KHDRBS1: variants seen among roughly 807,000 people sequenced by gnomAD.
The protein encoded by KHDRBS1 is KH domain-containing, RNA-binding, signal transduction-associated protein 1.
KHDRBS1 carries 7 observed loss-of-function variants against 48.4 expected under a neutral mutation model. The observed-to-expected ratio is 0.14, with a 90% confidence interval of 0.08 to 0.27. The LOEUF (loss-of-function observed/expected upper bound fraction) is 0.27, where lower values mean the gene tolerates loss of function less well. KHDRBS1 is among the 10% of genes least tolerant of loss of function. KHDRBS1 has a pLI of 1.00. For missense variants in KHDRBS1, 458 were observed against 601.2 expected, an observed-to-expected ratio of 0.76 and a Z score of 2.49; for synonymous variants, 241 against 235.8, an observed-to-expected ratio of 1.02 and a Z score of -0.20.
At chr1:32,014,719 C>G (rs1009194837) in intron 1 of KHDRBS1, among the ~76,000 whole-genome samples, 21 of 152,336 alleles carry the variant, frequency 1.4e-4, no homozygotes, top group Non-Finnish European at 2.6e-4. Flanking sequence ...ACCTTCATTT[C>G]CCCCTTTCCC....
chr1:32,014,054 C>T lies in KHDRBS1; in HGVS notation c.59C>T (p.Ser20Phe), dbSNP rs1435467970. Reference protein sequence around the residue: ...RMSRSSGRSGSMDPSGAHPSV... With the variant: ...RMSRSSGRSGFMDPSGAHPSV... ...AGCCGGTCTTCGGGCCGTAGCGGCT[C>T]CATGGACCCCTCCGGTGCCCACCCC... is the stretch of plus-strand genomic sequence containing the variant. Residue 20 changes from serine (S) to phenylalanine (F), a missense_variant, in exon 1 of 9, where the codon TCC (serine) becomes TTC (phenylalanine). Coordinates refer to ENST00000327300, the MANE Select transcript of KHDRBS1 (RefSeq NM_006559.3). 1.3e-6 allele frequency: 2 copies of T among 1,512,726 alleles called. No individual in the cohort carries two copies. Among genetic ancestry groups the T allele is most frequent in the Non-Finnish European group, 1.8e-6 (2 of 1,141,032 alleles). The allele number at this position is 1,512,726 out of a possible 1,614,324, so 93.7% of individuals were successfully genotyped here. A position where few individuals can be genotyped will look rare whatever the true frequency, so the allele number is the denominator to read the frequency against.
intron 7 of KHDRBS1, 140 bp from the exon 8 acceptor site, chr1:32,039,375 T>TTA (rs1397093901): frequency 3.1e-6 from 2 of 642,226 alleles, no homozygotes; most frequent in Non-Finnish European, 5.7e-6. Context: ...TGGAAATACT[T>TTA]TACGGTTTAG....
At chr1:32,053,559 T>A (rs1012813777) in intron 10 of KHDRBS1, among the ~76,000 whole-genome samples, 1 of 152,112 alleles carries the variant, frequency 6.6e-6, no homozygotes, top group Admixed American at 6.5e-5. Flanking sequence ...CCCACTTGAC[T>A]TTATTTTTTA....
intron 1 of KHDRBS1, among the ~76,000 whole-genome samples, chr1:32,017,676 T>C (rs113536455): frequency 0.032 from 4,833 of 149,670 alleles, 269 homozygotes; most frequent in African/African-American, 0.11. Context: ...GGCGCGATCT[T>C]GGCTCACCGC....
intron 10 of KHDRBS1, among the ~76,000 whole-genome samples, chr1:32,054,033 A>G (rs558580443): frequency 1.2e-4 from 19 of 152,152 alleles, no homozygotes; most frequent in Admixed American, 3.9e-4. Context: ...GCAGTGAGCC[A>G]AGATAGCGCC....
chr1:32,028,233 G>C (rs982060368), intron 1 of KHDRBS1, among the ~76,000 whole-genome samples: 6 of 152,148 alleles, frequency 3.9e-5, no homozygotes, highest in Admixed American at 2.6e-4. Context: ...CCCTGGACCA[G>C]CAATATCAGA....
At chr1:32,023,278 G>C (rs920634647) in intron 1 of KHDRBS1, among the ~76,000 whole-genome samples, 2 of 152,176 alleles carry the variant, frequency 1.3e-5, no homozygotes, top group African/African-American at 4.8e-5. Flanking sequence ...AAGGTTAACT[G>C]AATTTACTTT....
intron 1 of KHDRBS1, 57 bp from the exon 2 acceptor site, chr1:32,030,241 G>C: frequency 1.4e-6 from 2 of 1,475,110 alleles, no homozygotes; most frequent in African/African-American, 2.8e-5. Flanking sequence ...GCTTTAAGCA[G>C]ACTTCAAAAT....
chr1:32,055,506 G>A (rs1339067882), intron 10 of KHDRBS1, among the ~76,000 whole-genome samples: 1 of 152,076 alleles, frequency 6.6e-6, no homozygotes, highest in Non-Finnish European at 1.5e-5. Context: ...AGACCCACAT[G>A]TACCTCCTGC....
chr1:32,014,416 A>G, intron 1 of KHDRBS1, 39 bp downstream of exon 1: 1 of 1,292,968 alleles, frequency 7.7e-7, no homozygotes, highest in Non-Finnish European at 9.9e-7. Flanking sequence ...TCGCCCGGCC[A>G]TCCCGGGCAT....
downstream of KHDRBS1, among the ~76,000 whole-genome samples, chr1:32,044,263 G>C (rs947642586): frequency 2.0e-5 from 3 of 152,226 alleles, no homozygotes; most frequent in Non-Finnish European, 4.4e-5. Flanking sequence ...GCTCTAAAGT[G>C]TGACACCAAA....
chr1:32,033,206 G>A lies in KHDRBS1; in HGVS notation c.643G>A (p.Gly215Ser), dbSNP rs1569794816. 1 of 1,614,030 alleles carries A rather than the reference G, an allele frequency of 6.2e-7. No individual in the cohort carries two copies. Among genetic ancestry groups the A allele is most frequent in the East Asian group, 2.2e-5 (1 of 44,876 alleles). ...DKAKEEELRK[G>S]GDPKYAHLNM... is the part of the protein sequence containing the mutation. Reference sequence around the variant, plus strand: ...TCCATAGGAGGAAGAGCTGCGCAAAGGTGGAGACCCCAAATATGCCCACTT... The same window carrying A: ...TCCATAGGAGGAAGAGCTGCGCAAAAGTGGAGACCCCAAATATGCCCACTT... Residue 215 changes from glycine to serine, a missense_variant, in exon 4 of 9, where the codon GGT becomes AGT. Transcript: ENST00000327300.
chr1:32,041,006 G>T (rs1639274482), intron 8 of KHDRBS1, among the ~76,000 whole-genome samples: 1 of 152,272 alleles, frequency 6.6e-6, no homozygotes, highest in East Asian at 1.9e-4. Flanking sequence ...CCATCAGTGA[G>T]GCAGTACAGT....
At chr1:32,028,257 T>C (rs1188126294) in intron 1 of KHDRBS1, among the ~76,000 whole-genome samples, 2 of 152,130 alleles carry the variant, frequency 1.3e-5, no homozygotes, top group Non-Finnish European at 2.9e-5. Context: ...ACCTGGGAAC[T>C]TGTTGGAAAT....
At chr1:32,051,957 A>G (rs1639427675) in intron 10 of KHDRBS1, among the ~76,000 whole-genome samples, 1 of 152,212 alleles carries the variant, frequency 6.6e-6, no homozygotes, top group Non-Finnish European at 1.5e-5. Flanking sequence ...TGCTGGCAGT[A>G]CTACTAGTAA....
intron 2 of KHDRBS1, 103 bp from the exon 3 acceptor site, chr1:32,031,420 AT>A: frequency 1.4e-6 from 1 of 693,494 alleles, no homozygotes; most frequent in Non-Finnish European, 2.5e-6. Flanking sequence ...GGGAATGGTA[AT>A]ACTCTACCTT....
At chr1:32,017,696 C>T (rs1480126872) in intron 1 of KHDRBS1, among the ~76,000 whole-genome samples, 30 of 150,802 alleles carry the variant, frequency 2.0e-4, no homozygotes, top group Non-Finnish European at 2.7e-4. Context: ...CAACCTCCAC[C>T]TCCCAGGTTC....
intron 1 of KHDRBS1, among the ~76,000 whole-genome samples, chr1:32,028,674 T>G (rs1639022656): frequency 6.6e-6 from 1 of 151,434 alleles, no homozygotes; most frequent in African/African-American, 2.4e-5. Flanking sequence ...GGCTAAATTT[T>G]TTTTGTATTT....
chr1:32,059,165 G>GAAAAAA (rs1163066227), intron 10 of KHDRBS1, among the ~76,000 whole-genome samples: 4 of 45,976 alleles, frequency 8.7e-5, no homozygotes, highest in East Asian at 6.3e-4. Flanking sequence ...TGTCTCAGGA[G>GAAAAAA]AAAAAAAAAA....
Sources: gnomAD v4.1 joint callset for allele counts (sites outside exome capture counted in the v4.1 genomes callset) on GRCh38, gnomAD v4.1.1 for gene constraint, MANE v1.5 for transcripts, NCBI Gene and HGNC (gene_info 2026-07-23, HGNC 2026-07-21) for gene names.